Variants in ST3GAL1 observed in about 807,000 individuals in gnomAD.
The protein encoded by ST3GAL1 is ST3 beta-galactoside alpha-2,3-sialyltransferase 1.
In ST3GAL1, 16 loss-of-function variants were observed where a neutral mutation model predicts 34.1. That is an observed-to-expected ratio of 0.47 (90% CI 0.32 to 0.71). The LOEUF (loss-of-function observed/expected upper bound fraction) is 0.71. ST3GAL1 is among the 30% of genes least tolerant of loss of function. ST3GAL1 has a pLI of 0.04. For synonymous variants in ST3GAL1, 191 were observed against 184.7 expected, an observed-to-expected ratio of 1.03 and a Z score of -0.28; for missense variants, 353 against 447.4, an observed-to-expected ratio of 0.79 and a Z score of 1.90.
At chr8:133,569,851 A>G (rs1370017746) in intron 1 of ST3GAL1, among the ~76,000 whole-genome samples, 1 of 152,242 alleles carries the variant, frequency 6.6e-6, no homozygotes, top group African/African-American at 2.4e-5. Context: ...AAAGAAAATC[A>G]GGAGGCTCCG....
intron 2 of ST3GAL1, among the ~76,000 whole-genome samples, chr8:133,539,279 A>T (rs1431418050): frequency 6.6e-6 from 1 of 152,180 alleles, no homozygotes; most frequent in Non-Finnish European, 1.5e-5. Context: ...AAGTAAATTC[A>T]CTGTACCATG....
chr8:133,529,831 G>C (rs534490690), intron 2 of ST3GAL1, among the ~76,000 whole-genome samples: 1 of 152,078 alleles, frequency 6.6e-6, no homozygotes, highest in Non-Finnish European at 1.5e-5. Flanking sequence ...AGACACCCAC[G>C]TGGACAAGGT....
At chr8:133,464,255 G>A (rs894946460) in intron 7 of ST3GAL1, among the ~76,000 whole-genome samples, 3 of 152,226 alleles carry the variant, frequency 2.0e-5, no homozygotes, top group South Asian at 4.1e-4. Flanking sequence ...AATATGTGCC[G>A]AGTGCCACGT....
intron 2 of ST3GAL1, among the ~76,000 whole-genome samples, chr8:133,503,521 C>T (rs1301297985): frequency 2.6e-5 from 4 of 151,964 alleles, no homozygotes; most frequent in Non-Finnish European, 5.9e-5. Context: ...TCCTTCCTCC[C>T]TCCGTCCAGC....
In ST3GAL1 at chr8:133,570,041, A is replaced by C. The variant is rs1056042522; in HGVS notation, c.-582+1652T>G. 3 of 152,294 alleles carry C rather than the reference A, an allele frequency of 2.0e-5. No individual in the cohort carries two copies. Among genetic ancestry groups the C allele is most frequent in the Admixed American group, 2.0e-4 (3 of 15,282 alleles). The allele number at this position is 152,294 out of a possible 1,614,324, so 9.4% of individuals were successfully genotyped here. A position where few individuals can be genotyped will look rare whatever the true frequency, so the allele number is the denominator to read the frequency against. ...TTCCACCTTGGGGCCTTGTCAATGA[A>C]CACTGCGTTAGCACCTACGACGTGC... is the stretch of plus-strand genomic sequence containing the variant. On this transcript the variant is annotated intron_variant, in intron 1 of 9. Transcript: ENST00000522652. This position sits in a 1 kb window ranked among gnomAD's most constrained non-coding sequence, Gnocchi z 5.6.
At chr8:133,462,152 A>G (rs1815538006) in intron 8 of ST3GAL1, among the ~76,000 whole-genome samples, 158 bp from the exon 9 acceptor site, 1 of 152,170 alleles carries the variant, frequency 6.6e-6, no homozygotes, top group South Asian at 2.1e-4. Flanking sequence ...GGAAAGATGG[A>G]CACTCATCCA....
At chr8:133,496,369 T>C (rs1214003433) in intron 3 of ST3GAL1, among the ~76,000 whole-genome samples, 2 of 152,154 alleles carry the variant, frequency 1.3e-5, no homozygotes, top group East Asian at 1.9e-4. Context: ...CTCCAGTCTA[T>C]ATGTGCAAGA....
intron 2 of ST3GAL1, among the ~76,000 whole-genome samples, chr8:133,522,275 T>C (rs1025544523): frequency 6.6e-6 from 1 of 152,162 alleles, no homozygotes; most frequent in African/African-American, 2.4e-5. Flanking sequence ...CCAGCAACAT[T>C]TTTTAAAAAT....
intron 2 of ST3GAL1, among the ~76,000 whole-genome samples, chr8:133,505,598 CTT>C (rs1018365367): frequency 1.0e-4 from 14 of 134,784 alleles, no homozygotes; most frequent in Non-Finnish European, 1.9e-4. Flanking sequence ...TCTTTTCTTT[CTT>C]TTCTTTTCTT....
At position 133,475,734 on chromosome 8, in the gene ST3GAL1, G is replaced by C. The variant is rs368955694; in HGVS notation, c.291C>G (p.Thr97=). ...AGCATCTCACCAGCCACCATCGGTA[G>C]GTGTCGTCCTCCAAGAGCGCGTTCT... ...TAQNALLEDD[T]YRWWLRLQRE... Residue 97 remains threonine (T), a synonymous_variant, in exon 5 of 10, where the codon ACC becomes ACG. Transcript: ENST00000522652. 3.6e-5 allele frequency: 58 copies of C among 1,599,254 alleles called. No individual in the cohort carries two copies. The highest frequency in any genetic ancestry group is 4.7e-5 in the Non-Finnish European group (55 of 1,170,766).
intron 1 of ST3GAL1, among the ~76,000 whole-genome samples, chr8:133,555,750 C>T (rs954708485): frequency 1.3e-5 from 2 of 152,198 alleles, no homozygotes; most frequent in African/African-American, 4.8e-5. Flanking sequence ...GTGGATTCCT[C>T]CATGGGGTGC....
intron 1 of ST3GAL1, among the ~76,000 whole-genome samples, chr8:133,562,021 C>A (rs1819238905): frequency 6.6e-6 from 1 of 151,880 alleles, no homozygotes; most frequent in Non-Finnish European, 1.5e-5. Context: ...GCAGAAGTTG[C>A]AGTGAGCCAA....
chr8:133,481,200 C>G (rs563455300), intron 3 of ST3GAL1, among the ~76,000 whole-genome samples: 106 of 152,346 alleles, frequency 7.0e-4, no homozygotes, highest in African/African-American at 2.4e-3. Context: ...TGAGGCTGTC[C>G]TCCTTCAGAG....
intron 2 of ST3GAL1, among the ~76,000 whole-genome samples, chr8:133,528,157 G>C (rs1818034141): frequency 6.6e-6 from 1 of 152,038 alleles, no homozygotes; most frequent in Admixed American, 6.5e-5. Context: ...CCTGGTGACA[G>C]AGCGAGACTC....
chr8:133,570,828 G>T lies in ST3GAL1; in HGVS notation c.-582+865C>A, dbSNP rs1819547532. 6.6e-6 allele frequency among the ~76,000 whole-genome samples: 1 copy of T among 152,182 alleles called. No homozygotes were observed. Among genetic ancestry groups the T allele is most frequent in the Admixed American group, 6.5e-5 (1 of 15,288 alleles). ...TCCGTCCCCGTGCGCTCCCAGAAGG[G>T]GTGGCCCTGCCCCCACGCAGGTCAC... On this transcript the variant is annotated intron_variant, in intron 1 of 9. Transcript: ENST00000522652. The surrounding 1 kb of genome is among the most constrained non-coding windows in gnomAD (Gnocchi z 5.6).
At chr8:133,569,305 T>G (rs1819494303) in intron 1 of ST3GAL1, among the ~76,000 whole-genome samples, 1 of 152,178 alleles carries the variant, frequency 6.6e-6, no homozygotes, top group Non-Finnish European at 1.5e-5. Context: ...TATTCATTCT[T>G]TATTTAGCAA....
At chr8:133,533,702 C>G (rs1483293223) in intron 2 of ST3GAL1, among the ~76,000 whole-genome samples, 1 of 152,200 alleles carries the variant, frequency 6.6e-6, no homozygotes, top group African/African-American at 2.4e-5. Flanking sequence ...CTCTTGTTCC[C>G]CCATCTCCAT....
intron 3 of ST3GAL1, among the ~76,000 whole-genome samples, chr8:133,490,529 C>T (rs531767372): frequency 9.0e-4 from 137 of 152,236 alleles, no homozygotes; most frequent in Admixed American, 5.7e-3. Context: ...TGAATGACAA[C>T]CAAAGGGAGA....
At chr8:133,501,969 T>C (rs1046012727) in intron 2 of ST3GAL1, among the ~76,000 whole-genome samples, 5 of 151,934 alleles carry the variant, frequency 3.3e-5, no homozygotes, top group Non-Finnish European at 5.9e-5. Context: ...CAGCAGGGAG[T>C]GCAGCCCAGG....
Sources: allele counts gnomAD v4.1 joint callset (sites outside exome capture counted in the v4.1 genomes callset), GRCh38; gene constraint gnomAD v4.1.1; non-coding constraint Gnocchi (gnomAD v3.1); transcripts MANE v1.5; gene names NCBI Gene and HGNC (gene_info 2026-07-23, HGNC 2026-07-21).